Variants in MAPK4 observed in about 807,000 individuals in gnomAD.
The protein encoded by MAPK4 is mitogen-activated protein kinase 4, also known as Erk3-related.
Under a neutral mutation model 47.7 loss-of-function variants are expected in MAPK4, and 22 were observed. The observed-to-expected ratio is 0.46, with a 90% CI of 0.33 to 0.66. The LOEUF (loss-of-function observed/expected upper bound fraction) is 0.66, where lower values mean the gene tolerates loss of function less well. Ranked by LOEUF, MAPK4 falls within the 30% of genes least tolerant of loss-of-function variation. The pLI, the probability that MAPK4 is intolerant of heterozygous loss-of-function variation, is 0.02. For missense variants in MAPK4, 736 were observed against 831.7 expected (o/e 0.88, Z 1.42); for synonymous variants, 390 against 365.7 (o/e 1.07, Z -0.76).
chr18:50,664,364 G>T lies in MAPK4; in HGVS notation c.406G>T (p.Gly136Trp), dbSNP rs762370225. 6.2e-7 allele frequency: 1 copy of T among 1,613,870 alleles called. No individual in the cohort carries two copies. ...GCTGTTCATGTACCAGCTGCTCCGC[G>T]GGCTCAAGTACATCCACTCCGCCAA... ...AKLFMYQLLR[G>W]LKYIHSANVL... Residue 136 changes from glycine (G) to tryptophan (W), a missense_variant, in exon 2 of 6, where the codon GGG becomes TGG. By Grantham distance (184) the Gly-to-Trp change is radical. This residue lies in a region of MAPK4 where 327 missense variants were observed against 395.4 expected (regional missense o/e 0.83). Transcript: ENST00000400384. The surrounding 1 kb of genome is among the most constrained non-coding windows in gnomAD (Gnocchi z 6.0).
At chr18:50,720,789 A>C (rs953180906) in intron 3 of MAPK4, among the ~76,000 whole-genome samples, 1 of 152,140 alleles carries the variant, frequency 6.6e-6, no homozygotes, top group Non-Finnish European at 1.5e-5. Flanking sequence ...AACTGACCCA[A>C]TGAGTCCACT....
chr18:50,636,309 T>C (rs780558494), intron 1 of MAPK4, among the ~76,000 whole-genome samples: 1 of 152,194 alleles, frequency 6.6e-6, no homozygotes, highest in Non-Finnish European at 1.5e-5. Flanking sequence ...ATTTGATCAA[T>C]ATCTCTCTGT....
chr18:50,666,932 C>T (rs1020733143), intron 2 of MAPK4, among the ~76,000 whole-genome samples: 1 of 152,156 alleles, frequency 6.6e-6, no homozygotes, highest in South Asian at 2.1e-4. Flanking sequence ...CTGTGAAGCA[C>T]TTAGGGCAAA....
chr18:50,607,235 A>G (rs762803600), intron 1 of MAPK4, among the ~76,000 whole-genome samples: 5 of 152,182 alleles, frequency 3.3e-5, no homozygotes, highest in African/African-American at 7.2e-5. Flanking sequence ...CCTTCTCACA[A>G]CCACACGACA....
chr18:50,672,442 C>G (rs1052541811), intron 2 of MAPK4, among the ~76,000 whole-genome samples: 1 of 152,204 alleles, frequency 6.6e-6, no homozygotes, highest in African/African-American at 2.4e-5. Flanking sequence ...GGAGGCTGTA[C>G]TTGAGAGTCA....
chr18:50,580,609 G>A (rs544874047), intron 1 of MAPK4, among the ~76,000 whole-genome samples: 76 of 152,314 alleles, frequency 5.0e-4, no homozygotes, highest in African/African-American at 1.8e-3. Context: ...TCCATCTGCT[G>A]TTTGTTTCTG....
intron 1 of MAPK4, among the ~76,000 whole-genome samples, chr18:50,625,881 TGCACACACACACAC>T (rs763897678): frequency 5.6e-5 from 7 of 126,104 alleles, no homozygotes; most frequent in Non-Finnish European, 1.2e-4. Context: ...GGTGTGTGTA[TGCACACACACACAC>T]ACACACACAC....
chr18:50,633,170 G>A (rs1476710805), intron 1 of MAPK4, among the ~76,000 whole-genome samples: 1 of 152,232 alleles, frequency 6.6e-6, no homozygotes, highest in African/African-American at 2.4e-5. Context: ...GAGGGGAACA[G>A]CTGGTTTGTG....
rs765930367 is a variant in MAPK4, at chr18:50,729,278, C to T, written c.1188C>T (p.Asp396=). The T allele has an allele frequency of 8.1e-6, 13 of 1,609,436 alleles. No homozygotes were observed. The highest frequency in any genetic ancestry group is 1.1e-5 in the Non-Finnish European group (13 of 1,177,874). Residue 396 remains aspartate (D), a synonymous_variant, in exon 6 of 6, where the codon GAC becomes GAT. Transcript: ENST00000400384. ...CACTGGCTGAGGACGTGCAGGTGGA[C>T]CCGCGCAAGGACTCGCACAGCAGCT... is the stretch of plus-strand genomic sequence containing the variant. ...SAPLAEDVQV[D]PRKDSHSSSE... is the part of the protein sequence containing the mutation.
At chr18:50,650,950 C>T (rs1205543833) in intron 1 of MAPK4, among the ~76,000 whole-genome samples, 1 of 152,200 alleles carries the variant, frequency 6.6e-6, no homozygotes, top group African/African-American at 2.4e-5. Context: ...TAAGGTTAGC[C>T]CCAGGCCCAA....
intron 1 of MAPK4, among the ~76,000 whole-genome samples, chr18:50,600,949 A>G (rs558424641): frequency 2.0e-5 from 3 of 152,074 alleles, no homozygotes; most frequent in South Asian, 2.1e-4. Context: ...AAACTTTAGT[A>G]TTGTTCACGA....
At chr18:50,688,749 G>C (rs941758408) in intron 2 of MAPK4, among the ~76,000 whole-genome samples, 1 of 152,004 alleles carries the variant, frequency 6.6e-6, no homozygotes, top group Admixed American at 6.6e-5. Context: ...AGGGTGGGAG[G>C]GGGGTGAGGG....
intron 1 of MAPK4, among the ~76,000 whole-genome samples, chr18:50,660,613 A>T (rs1157228949): frequency 2.0e-5 from 3 of 152,252 alleles, no homozygotes; most frequent in Non-Finnish European, 4.4e-5. Flanking sequence ...GTAAATGCCA[A>T]ACACAGCGTA....
intron 1 of MAPK4, among the ~76,000 whole-genome samples, chr18:50,633,925 T>C (rs569931775): frequency 5.9e-5 from 9 of 152,308 alleles, no homozygotes; most frequent in African/African-American, 1.9e-4. Flanking sequence ...TTGCTTTTGC[T>C]TGTAACTAGG....
chr18:50,651,526 A>G (rs896561951), intron 1 of MAPK4, among the ~76,000 whole-genome samples: 1 of 152,128 alleles, frequency 6.6e-6, no homozygotes, highest in African/African-American at 2.4e-5. Context: ...CAAGTGTACA[A>G]CCACGTTTCC....
intron 1 of MAPK4, among the ~76,000 whole-genome samples, chr18:50,571,932 A>T (rs1356639448): frequency 6.6e-6 from 1 of 152,172 alleles, no homozygotes; most frequent in East Asian, 1.9e-4. Flanking sequence ...ATTCAATAGA[A>T]AAAAGGAACA....
chr18:50,665,257 C>T (rs1907532790), intron 2 of MAPK4, among the ~76,000 whole-genome samples: 1 of 152,186 alleles, frequency 6.6e-6, no homozygotes, highest in Admixed American at 6.5e-5. Context: ...CTTACCTGAT[C>T]CATTCCTCTC....
At chr18:50,567,612 A>G (rs889889551) in intron 1 of MAPK4, among the ~76,000 whole-genome samples, 1 of 152,216 alleles carries the variant, frequency 6.6e-6, no homozygotes, top group African/African-American at 2.4e-5. Flanking sequence ...CACACCATTG[A>G]TAACATACTT....
chr18:50,632,845 C>T (rs975873317), intron 1 of MAPK4, among the ~76,000 whole-genome samples: 2 of 152,132 alleles, frequency 1.3e-5, no homozygotes, highest in African/African-American at 2.4e-5. Context: ...GTCTCAAACT[C>T]CTGACCTCAG....
Sources: allele counts gnomAD v4.1 joint callset (sites outside exome capture counted in the v4.1 genomes callset), GRCh38; gene constraint gnomAD v4.1.1; regional missense constraint gnomAD v4.1.1; non-coding constraint Gnocchi (gnomAD v3.1); transcripts MANE v1.5; gene names NCBI Gene and HGNC (gene_info 2026-07-23, HGNC 2026-07-21).